CDH12: variants seen among roughly 807,000 people sequenced by gnomAD.
CDH12 encodes cadherin 12, also known as cadherin-12.
A neutral mutation model predicts 74.1 loss-of-function variants in CDH12; 41 were observed. The ratio of observed to expected loss-of-function variants is 0.55; its 90% confidence interval spans 0.43 to 0.72. CDH12 has a LOEUF of 0.72. Among genes scored for constraint, CDH12 ranks in the 30% least tolerant of loss-of-function variants. The probability of loss-of-function intolerance (pLI) is 0.00; values close to 1 mark genes in which losing one functional copy is unlikely to be tolerated. For missense variants in CDH12, 945 were observed against 977.2 expected (o/e 0.97, Z 0.44); for synonymous variants, 399 against 355.0 (o/e 1.12, Z -1.39).
At chr5:22,636,492 T>C (rs1000366377) in intron 1 of CDH12, among the ~76,000 whole-genome samples, 1 of 152,160 alleles carries the variant, frequency 6.6e-6, no homozygotes, top group Non-Finnish European at 1.5e-5. Flanking sequence ...GTAATAAAAA[T>C]GAAGTATTAT....
chr5:22,587,734 A>T (rs1740473185), intron 1 of CDH12, among the ~76,000 whole-genome samples: 1 of 151,778 alleles, frequency 6.6e-6, no homozygotes, highest in African/African-American at 2.4e-5. Context: ...TTTACTAACC[A>T]TTTTCTGTTG....
At chr5:21,861,721 A>C (rs1322860420) in intron 6 of CDH12, among the ~76,000 whole-genome samples, 1 of 152,150 alleles carries the variant, frequency 6.6e-6, no homozygotes, top group East Asian at 1.9e-4. Flanking sequence ...CTGGATCAAA[A>C]AGCATATAGA....
chr5:22,628,864 GA>G (rs1225000272), intron 1 of CDH12, among the ~76,000 whole-genome samples: 1 of 150,736 alleles, frequency 6.6e-6, no homozygotes, highest in Non-Finnish European at 1.5e-5. Context: ...GACTAATAAA[GA>G]AAAAAGAGAG....
At chr5:22,565,549 A>T (rs1580770233) in intron 1 of CDH12, among the ~76,000 whole-genome samples, 1 of 152,224 alleles carries the variant, frequency 6.6e-6, no homozygotes, top group Non-Finnish European at 1.5e-5. Context: ...AATTATATGC[A>T]ATCATTTGCT....
At chr5:22,125,561 G>A (rs949327953) in intron 4 of CDH12, among the ~76,000 whole-genome samples, 14 of 152,004 alleles carry the variant, frequency 9.2e-5, no homozygotes, top group South Asian at 2.1e-4. Context: ...TTTCTTTAGC[G>A]GCTTAGCCGT....
At chr5:21,955,226 C>T (rs551130955) in intron 6 of CDH12, among the ~76,000 whole-genome samples, 45 of 151,232 alleles carry the variant, frequency 3.0e-4, no homozygotes, top group Admixed American at 2.6e-3. Context: ...TGTGGTCATT[C>T]GGGTAGAGAT....
At chr5:22,464,030 A>C (rs1745628530) in intron 2 of CDH12, among the ~76,000 whole-genome samples, 1 of 152,178 alleles carries the variant, frequency 6.6e-6, no homozygotes, top group African/African-American at 2.4e-5. Flanking sequence ...GTGTCTTGGG[A>C]GGAACCCCAT....
intron 6 of CDH12, among the ~76,000 whole-genome samples, chr5:21,935,347 C>T (rs116824481): frequency 0.011 from 1,709 of 152,232 alleles, 40 homozygotes; most frequent in African/African-American, 0.039. Context: ...CATTGCTAAA[C>T]TTTCACAACA....
At chr5:21,865,041 A>G (rs968910876) in intron 6 of CDH12, among the ~76,000 whole-genome samples, 1 of 152,216 alleles carries the variant, frequency 6.6e-6, no homozygotes, top group Non-Finnish European at 1.5e-5. Context: ...GAACTGATGC[A>G]TGACAAAAAA....
At chr5:22,608,809 T>C (rs1205442684) in intron 1 of CDH12, among the ~76,000 whole-genome samples, 1 of 152,166 alleles carries the variant, frequency 6.6e-6, no homozygotes, top group African/African-American at 2.4e-5. Flanking sequence ...GCACTCATTT[T>C]CTCTCCTGAA....
intron 1 of CDH12, among the ~76,000 whole-genome samples, chr5:22,796,138 G>T (rs1024609450): frequency 1.3e-5 from 2 of 152,084 alleles, no homozygotes; most frequent in Admixed American, 1.3e-4. Context: ...ATTGTGAAAG[G>T]TGTTGCAATA....
intron 1 of CDH12, among the ~76,000 whole-genome samples, chr5:22,628,683 G>C (rs1215022374): frequency 6.6e-6 from 1 of 151,970 alleles, no homozygotes; most frequent in East Asian, 1.9e-4. Context: ...ATTACACTTA[G>C]AGAAGCTAGA....
At chr5:22,220,833 A>G (rs902041678) in intron 3 of CDH12, among the ~76,000 whole-genome samples, 3 of 151,794 alleles carry the variant, frequency 2.0e-5, no homozygotes, top group African/African-American at 7.2e-5. Flanking sequence ...TGCAGTACCA[A>G]TGCCTTAGGG....
chr5:22,581,205 G>T (rs895475065), intron 1 of CDH12, among the ~76,000 whole-genome samples: 7 of 152,222 alleles, frequency 4.6e-5, no homozygotes, highest in African/African-American at 1.7e-4. Context: ...TCACAGGCCT[G>T]AAGGCCTAGG....
chr5:21,972,034 A>G, intron 6 of CDH12, among the ~76,000 whole-genome samples: 1 of 152,022 alleles, frequency 6.6e-6, no homozygotes. Flanking sequence ...ACCCACCACC[A>G]TTCTCCCTTT....
chr5:22,435,968 C>T (rs889867796), intron 2 of CDH12, among the ~76,000 whole-genome samples: 6 of 151,680 alleles, frequency 4.0e-5, no homozygotes, highest in African/African-American at 1.2e-4. Context: ...CTCTGCTCCA[C>T]GTATGTTTAT....
intron 1 of CDH12, among the ~76,000 whole-genome samples, chr5:22,788,091 T>C (rs771544775): frequency 8.6e-5 from 13 of 152,026 alleles, no homozygotes; most frequent in Non-Finnish European, 1.9e-4. Context: ...ATGAAACAAA[T>C]ATGAGGAAGC....
chr5:22,565,226 G>A (rs958077091), intron 1 of CDH12, among the ~76,000 whole-genome samples: 4 of 152,222 alleles, frequency 2.6e-5, no homozygotes, highest in Admixed American at 6.5e-5. Flanking sequence ...GAGCTACCAC[G>A]CCTGGCTTTG....
At chr5:22,423,361 T>C (rs1743741553) in intron 2 of CDH12, among the ~76,000 whole-genome samples, 1 of 152,152 alleles carries the variant, frequency 6.6e-6, no homozygotes, top group South Asian at 2.1e-4. Context: ...ACCAAGAGAC[T>C]TGGAGCCACT....
Sources: allele counts gnomAD v4.1 joint callset (sites outside exome capture counted in the v4.1 genomes callset), GRCh38; gene constraint gnomAD v4.1.1; transcripts MANE v1.5; gene names NCBI Gene and HGNC (gene_info 2026-07-23, HGNC 2026-07-21).